Variants in FABP6 observed in about 807,000 individuals in gnomAD.
FABP6 encodes gastrotropin.
A neutral mutation model predicts 14.9 loss-of-function variants in FABP6; 13 were observed. The observed-to-expected ratio is 0.87, with a 90% CI of 0.57 to 1.39. The LOEUF is 1.39. Ranked by LOEUF, FABP6 falls within the 40% of genes most tolerant of loss-of-function variation. The pLI is 0.00. For missense variants in FABP6, 161 were observed against 167.2 expected (o/e 0.96, Z 0.20); for synonymous variants, 75 against 63.6 (o/e 1.18, Z -0.85).
upstream of FABP6, chr5:160,228,686 C>T: frequency 2.7e-6 from 1 of 377,122 alleles, no homozygotes; most frequent in Non-Finnish European, 5.3e-6. Flanking sequence ...GGCACCTTCT[C>T]CTCCAGGTGC....
At chr5:160,235,811 C>T (rs1393027498) in intron 3 of FABP6, among the ~76,000 whole-genome samples, 1 of 152,006 alleles carries the variant, frequency 6.6e-6, no homozygotes, top group Non-Finnish European at 1.5e-5. Context: ...TTCTTGTGCC[C>T]ACATCTCAAG....
intron 1 of FABP6, among the ~76,000 whole-genome samples, 187 bp downstream of exon 1, chr5:160,229,811 C>T (rs1226524521): frequency 6.6e-6 from 1 of 151,362 alleles, no homozygotes; most frequent in East Asian, 1.9e-4. Context: ...AACTAAGACA[C>T]TCTTTAACTT....
intron 2 of FABP6, among the ~76,000 whole-genome samples, chr5:160,203,738 G>A (rs1759698031): frequency 7.2e-6 from 1 of 138,772 alleles, no homozygotes. Context: ...TTTTGCTCTT[G>A]TTGCTCAGGC....
At chr5:160,189,091 ACT>A (rs1256997581) in intron 1 of FABP6, among the ~76,000 whole-genome samples, 2 of 151,342 alleles carry the variant, frequency 1.3e-5, no homozygotes, top group African/African-American at 2.4e-5. Context: ...TGCAGGCCAC[ACT>A]CTCTGTCACA....
intron 2 of FABP6, among the ~76,000 whole-genome samples, chr5:160,202,836 G>A (rs1450167757): frequency 6.6e-6 from 1 of 151,462 alleles, no homozygotes. Context: ...TTTTCTTAGC[G>A]ATTCATGAAT....
At chr5:160,210,931 G>C (rs1428570947) in intron 2 of FABP6, among the ~76,000 whole-genome samples, 1 of 152,136 alleles carries the variant, frequency 6.6e-6, no homozygotes, top group African/African-American at 2.4e-5. Context: ...GCAGGAGAGG[G>C]GGCAATGAAT....
At chr5:160,225,512 C>T (rs2096488190), upstream of FABP6, among the ~76,000 whole-genome samples, 1 of 151,356 alleles carries the variant, frequency 6.6e-6, no homozygotes, top group African/African-American at 2.4e-5. Flanking sequence ...AGCGATTCTC[C>T]TGCCTCAGCC....
chr5:160,223,839 C>T (rs530090245), intron 3 of FABP6, among the ~76,000 whole-genome samples: 11 of 151,902 alleles, frequency 7.2e-5, no homozygotes, highest in South Asian at 6.3e-4. Flanking sequence ...ATGCTTTATG[C>T]CTGTAATCCC....
chr5:160,219,505 A>G (rs561625986), intron 3 of FABP6, among the ~76,000 whole-genome samples: 3 of 152,176 alleles, frequency 2.0e-5, no homozygotes, highest in Non-Finnish European at 4.4e-5. Flanking sequence ...TAAACCCAGG[A>G]GAAGAGGGGA....
At chr5:160,209,352 C>CAAAAAAAT (rs1237213733) in intron 2 of FABP6, among the ~76,000 whole-genome samples, 1 of 151,786 alleles carries the variant, frequency 6.6e-6, no homozygotes, top group Non-Finnish European at 1.5e-5. Context: ...TCTCTCTCCA[C>CAAAAAAAT]AAAAAAATAA....
intron 2 of FABP6, among the ~76,000 whole-genome samples, chr5:160,200,964 G>A (rs1759625780): frequency 6.6e-6 from 1 of 152,200 alleles, no homozygotes; most frequent in South Asian, 2.1e-4. Flanking sequence ...TTCTACTTCA[G>A]GGGATTTAAC....
intron 1 of FABP6, among the ~76,000 whole-genome samples, chr5:160,191,930 C>T (rs1159416898): frequency 3.3e-5 from 5 of 151,184 alleles, no homozygotes; most frequent in Admixed American, 6.6e-5. Flanking sequence ...GCCAAGATCA[C>T]GCCACTGCAC....
intron 2 of FABP6, among the ~76,000 whole-genome samples, chr5:160,208,070 T>TA (rs1759807853): frequency 6.6e-6 from 1 of 152,184 alleles, no homozygotes; most frequent in South Asian, 2.1e-4. Context: ...CAATTTTATG[T>TA]AAAAAATTTC....
At chr5:160,193,164 G>A (rs1482962087) in intron 1 of FABP6, among the ~76,000 whole-genome samples, 3 of 152,074 alleles carry the variant, frequency 2.0e-5, no homozygotes, top group South Asian at 2.1e-4. Flanking sequence ...TCTGATGTTC[G>A]GATGTGTTCA....
upstream of FABP6, among the ~76,000 whole-genome samples, chr5:160,225,547 A>G (rs1181390195): frequency 6.6e-6 from 1 of 151,646 alleles, no homozygotes; most frequent in African/African-American, 2.4e-5. Context: ...GATTACAGGC[A>G]CCTGCTACCA....
At chr5:160,220,623 TA>T (rs1405068545) in intron 3 of FABP6, among the ~76,000 whole-genome samples, 2 of 151,840 alleles carry the variant, frequency 1.3e-5, no homozygotes, top group African/African-American at 4.8e-5. Flanking sequence ...TTATTAATAA[TA>T]AATAAGGCTT....
chr5:160,201,387 G>C (rs1385567433), intron 2 of FABP6, among the ~76,000 whole-genome samples: 1 of 147,690 alleles, frequency 6.8e-6, no homozygotes, highest in African/African-American at 2.5e-5. Flanking sequence ...AAAGAAACTA[G>C]TGGTTTCGTT....
At chr5:160,198,852 G>T in intron 1 of FABP6, 1 of 532,042 alleles carries the variant, frequency 1.9e-6, no homozygotes, top group Non-Finnish European at 3.4e-6. Context: ...TCATCCTGTT[G>T]TTCTTTACAG....
chr5:160,234,380 C>CT lies in FABP6; in HGVS notation c.244-418dup, dbSNP rs35775372. ...TTCATACTTTCTCTAAGAAATCTGA[C>CT]TTTTTTTTTTTTTTTTTTTTTTACC... On this transcript the variant is annotated intron_variant, in intron 2 of 3. Coordinates refer to ENST00000402432, the MANE Select transcript of FABP6 (RefSeq NM_001445.3). Among the ~76,000 whole-genome samples, 207 of 84,074 alleles carry CT rather than the reference C, an allele frequency of 2.5e-3. 2 individuals are homozygous for CT. The highest frequency in any genetic ancestry group is 8.5e-3 in the African/African-American group (193 of 22,612). The allele number at this position is 84,074 out of a possible 152,430, so 55.2% of individuals were successfully genotyped here. A position where few individuals can be genotyped will look rare whatever the true frequency, so the allele number is the denominator to read the frequency against.
Sources: gnomAD v4.1 joint callset for allele counts (sites outside exome capture counted in the v4.1 genomes callset) on GRCh38, gnomAD v4.1.1 for gene constraint, MANE v1.5 for transcripts, NCBI Gene and HGNC (gene_info 2026-07-23, HGNC 2026-07-21) for gene names.